The following ASXL1 variants were observed in gnomAD, a reference collection of about 807,000 sequenced individuals.
The protein encoded by ASXL1 is ASXL transcriptional regulator 1.
ASXL1 carries 65 observed loss-of-function variants against 89.1 expected under a neutral mutation model. The ratio of observed to expected loss-of-function variants is 0.73; its 90% confidence interval spans 0.60 to 0.90. ASXL1 has a LOEUF of 0.90. Among genes scored for constraint, ASXL1 ranks in the 40% least tolerant of loss-of-function variants. ASXL1 has a pLI of 0.00. For missense variants in ASXL1, 1,786 were observed against 1,942.9 expected (o/e 0.92, Z 1.52); for synonymous variants, 739 against 746.9 (o/e 0.99, Z 0.17).
Position 32,428,310 on chromosome 20 carries a change from T to C in ASXL1, c.374-15T>C. The C allele has an allele frequency of 6.2e-7, 1 of 1,614,176 alleles. No individual in the cohort carries two copies. Among genetic ancestry groups the C allele is most frequent in the Non-Finnish European group, 8.5e-7 (1 of 1,180,024 alleles). ...GCAGGCACTAGGGACTAACCTTTAT[T>C]TTCCTCTCTTCCAGTATCTCTTGAT... is the stretch of plus-strand genomic sequence containing the variant. On this transcript the variant is annotated splice_polypyrimidine_tract_variant and intron_variant, in intron 5 of 12. Coordinates refer to ENST00000375687, the MANE Select transcript of ASXL1 (RefSeq NM_015338.6).
At chr20:32,408,611 G>A (rs555976488) in intron 4 of ASXL1, among the ~76,000 whole-genome samples, 1 of 152,222 alleles carries the variant, frequency 6.6e-6, no homozygotes, top group Admixed American at 6.5e-5. Context: ...GTAGTGCAGT[G>A]ACGCAGTCCT....
At position 32,393,798 on chromosome 20, in the gene ASXL1, A is replaced by G. The variant is rs544013187; in HGVS notation, c.252+24675A>G. The stretch of plus-strand genomic sequence containing the variant: ...TACTGATTTTTATAGAGTTTAAACA[A>G]CCATCTTTTCTATTTGTCTGATGTG... On this transcript the variant is annotated intron_variant, in intron 4 of 12. Transcript: ENST00000375687. Among the ~76,000 whole-genome samples the G allele has an allele frequency of 4.6e-5, 7 of 151,878 alleles. No homozygotes were observed. In the South Asian group the frequency reaches 1.5e-3, roughly 32 times the overall value.
Position 32,437,360 on chromosome 20 carries a change from A to G in ASXL1, c.*22A>G, listed in dbSNP as rs2295764. 0.37 allele frequency: 600,046 copies of G among 1,608,020 alleles called. 117,304 individuals are homozygous for G. Among genetic ancestry groups the G allele is most frequent in the East Asian group, 0.72 (32,486 of 44,838 alleles). On this transcript the variant is annotated 3_prime_UTR_variant, in exon 13 of 13. Coordinates refer to ENST00000375687, the MANE Select transcript of ASXL1 (RefSeq NM_015338.6). ...ATAATAAATTATGGCCATGGGAAAC[A>G]TTGTATATTTAGTGTGTGTATTTTG...
At chr20:32,370,658 A>G (rs1254586117) in intron 4 of ASXL1, among the ~76,000 whole-genome samples, 1 of 152,184 alleles carries the variant, frequency 6.6e-6, no homozygotes, top group Non-Finnish European at 1.5e-5. Flanking sequence ...ATTCAAAATA[A>G]ATACCTGAAC....
intron 4 of ASXL1, among the ~76,000 whole-genome samples, chr20:32,403,832 C>T (rs2123067830): frequency 1.3e-5 from 2 of 151,980 alleles, no homozygotes; most frequent in East Asian, 3.9e-4. Flanking sequence ...ATGTTGTCTT[C>T]CAGTTCATGG....
At chr20:32,362,552 C>T (rs1241875374) in intron 1 of ASXL1, among the ~76,000 whole-genome samples, 1 of 152,180 alleles carries the variant, frequency 6.6e-6, no homozygotes, top group African/African-American at 2.4e-5. Context: ...CGGAGAATGG[C>T]GTGAACGCGG....
chr20:32,426,250 T>C (rs1428008548), intron 4 of ASXL1, among the ~76,000 whole-genome samples: 1 of 152,216 alleles, frequency 6.6e-6, no homozygotes, highest in Non-Finnish European at 1.5e-5. Flanking sequence ...GTTGGCAGCA[T>C]GTGAACCTTT....
chr20:32,421,858 T>C (rs1296610276), intron 4 of ASXL1, among the ~76,000 whole-genome samples: 1 of 133,098 alleles, frequency 7.5e-6, no homozygotes, highest in Non-Finnish European at 1.6e-5. Flanking sequence ...AGAGGGGTGG[T>C]TTCTTTTCTT....
chr20:32,370,101 T>C (rs576609896), intron 4 of ASXL1, among the ~76,000 whole-genome samples: 1 of 152,266 alleles, frequency 6.6e-6, no homozygotes, highest in South Asian at 2.1e-4. Flanking sequence ...ACCTACTCTA[T>C]GGAAAATAAC....
rs2048252849 is a variant in ASXL1, at chr20:32,369,046, A to G, written c.175A>G (p.Met59Val). 3 of 1,613,940 alleles carry G rather than the reference A, an allele frequency of 1.9e-6. No individual in the cohort carries two copies. The highest frequency in any genetic ancestry group is 1.7e-5 in the Admixed American group (1 of 59,992). ...GTSPLACLNAMLHSNSRGGEG... is the reference protein window; with the variant it reads ...GTSPLACLNAVLHSNSRGGEG... ...TTCCCCTCTCGCATGCCTCAATGCT[A>G]TGCTACATTCCAATTCAAGAGGAGG... The change falls in exon 4 of 13, where the codon ATG (methionine) becomes GTG (valine). Residue 59 changes from methionine (M) to valine (V), a missense_variant. Physicochemically the swap from Met to Val is conservative, Grantham distance 21 (BLOSUM62 1). Around this residue, in one of 3 missense-constraint regions of ASXL1, gnomAD observed 332 missense variants for 449.7 expected, o/e 0.74. Transcript: ENST00000375687.
In ASXL1 at chr20:32,358,811, G is replaced by T; in HGVS notation, c.36G>T (p.Thr12=). 6.0e-6 allele frequency: 9 copies of T among 1,497,570 alleles called. No homozygotes were observed. Among genetic ancestry groups the T allele is most frequent in the Non-Finnish European group, 8.0e-6 (9 of 1,120,730 alleles). 92.8% of individuals were successfully genotyped at this position (1,497,570 alleles called of 1,614,324 possible). ...KDKQKKKKER[T]WAEAARLVLE... is the part of the protein sequence containing the mutation. ...AACAGAAGAAGAAGAAGGAGCGCAC[G>T]TGGGCCGAGGCCGCGCGCCTGGTGA... is the stretch of plus-strand genomic sequence containing the variant. The change falls in exon 1 of 13, where the codon ACG becomes ACT. Residue 12 remains threonine (T), a synonymous_variant. Transcript: ENST00000375687.
chr20:32,434,407 C>T, intron 12 of ASXL1, 25 bp from the exon 13 acceptor site: 1 of 1,613,386 alleles, frequency 6.2e-7, no homozygotes, highest in Non-Finnish European at 8.5e-7. Context: ...TCAGTTAAAA[C>T]TATTTTCTAA....
intron 4 of ASXL1, among the ~76,000 whole-genome samples, chr20:32,393,581 C>T (rs1600514921): frequency 6.6e-6 from 1 of 152,156 alleles, no homozygotes; most frequent in African/African-American, 2.4e-5. Context: ...AAGTCATTCT[C>T]TTGCCTCAGC....
rs1212669248 is a variant in ASXL1 at position 32,358,641 on chromosome 20, C to T, written c.-135C>T. On this transcript the variant is annotated 5_prime_UTR_variant, in exon 1 of 13. Transcript: ENST00000375687. ...CGCGTGCCCGCCCCTTCTCCCCGGC[C>T]GCACCCGAGACCTCGCGCGCCGCCG... 2 of 220,568 alleles carry T rather than the reference C, an allele frequency of 9.1e-6. No individual in the cohort carries two copies. The highest frequency in any genetic ancestry group is 7.8e-6 in the Non-Finnish European group (1 of 128,142). 13.7% of individuals were successfully genotyped at this position (220,568 alleles called of 1,614,324 possible). A position where few individuals can be genotyped will look rare whatever the true frequency, so the allele number is the denominator to read the frequency against.
intron 4 of ASXL1, chr20:32,372,164 G>A: frequency 5.9e-6 from 8 of 1,351,000 alleles, no homozygotes; most frequent in Non-Finnish European, 7.9e-6. Context: ...AATTTTACAG[G>A]TGTGAGCCAC....
chr20:32,436,376 T>G lies in ASXL1; in HGVS notation c.3664T>G (p.Ser1222Ala), dbSNP rs760710389. 8 of 1,613,650 alleles carry G rather than the reference T, an allele frequency of 5.0e-6. No individual in the cohort carries two copies. Among genetic ancestry groups the G allele is most frequent in the Non-Finnish European group, 5.9e-6 (7 of 1,180,020 alleles). Residue 1222 changes from serine to alanine, a missense_variant, in exon 13 of 13, where the codon TCC becomes GCC. Coordinates refer to ENST00000375687, the MANE Select transcript of ASXL1 (RefSeq NM_015338.6). ...CCATCCAGTGACAAATCCCATTACATCCTCTAGGAAACTGGAAGAAATGGA... is the reference window on the plus strand; with the variant it reads ...CCATCCAGTGACAAATCCCATTACAGCCTCTAGGAAACTGGAAGAAATGGA... ...SLHPVTNPITSSRKLEEMDSK... is the reference protein window; with the variant it reads ...SLHPVTNPITASRKLEEMDSK...
Position 32,436,735 on chromosome 20 carries a change from C to T in ASXL1, c.4023C>T (p.Ser1341=), listed in dbSNP as rs1271281848. Residue 1341 remains serine, a synonymous_variant, in exon 13 of 13, where the codon AGC becomes AGT. Transcript: ENST00000375687. ...PVFPSGKLGP[S]TNSMSGGVQT... is the part of the protein sequence containing the mutation. ...TTCCCAGTGGGAAGTTGGGACCAAG[C>T]ACAAACTCCATGTCTGGTGGGGTAC... The T allele has an allele frequency of 1.2e-6, 2 of 1,614,086 alleles. No individual in the cohort carries two copies. The highest frequency in any genetic ancestry group is 2.7e-5 in the African/African-American group (2 of 75,052).
At position 32,435,819 on chromosome 20, in the gene ASXL1, A is replaced by G. The variant is rs757758145; in HGVS notation, c.3107A>G (p.Asn1036Ser). 24 of 1,614,042 alleles carry G rather than the reference A, an allele frequency of 1.5e-5. No homozygotes were observed. The highest frequency in any genetic ancestry group is 4.4e-5 in the South Asian group (4 of 91,080). ...TCGGTGGACAAGGATGAGAAACCCAATTGGAACCAATCTGCCCCACTGTCC... is the reference window on the plus strand; with the variant it reads ...TCGGTGGACAAGGATGAGAAACCCAGTTGGAACCAATCTGCCCCACTGTCC... Reference protein sequence around the residue: ...GSSVDKDEKPNWNQSAPLSKV... With the variant: ...GSSVDKDEKPSWNQSAPLSKV... Residue 1036 changes from asparagine to serine, a missense_variant, in exon 13 of 13, where the codon AAT becomes AGT. By Grantham distance (46) the Asn-to-Ser change is conservative (BLOSUM62 1). Coordinates refer to ENST00000375687, the MANE Select transcript of ASXL1 (RefSeq NM_015338.6).
intron 4 of ASXL1, among the ~76,000 whole-genome samples, chr20:32,375,684 G>GTTT (rs199575629): frequency 4.1e-5 from 6 of 145,870 alleles, no homozygotes; most frequent in African/African-American, 4.9e-5. Context: ...TTTTTGTTTT[G>GTTT]TTTTGTTTTG....
Sources: allele counts gnomAD v4.1 joint callset (sites outside exome capture counted in the v4.1 genomes callset), GRCh38; gene constraint gnomAD v4.1.1; regional missense constraint gnomAD v4.1.1; transcripts MANE v1.5; gene names NCBI Gene and HGNC (gene_info 2026-07-23, HGNC 2026-07-21).